The following TTC28 variants were observed in gnomAD, a reference collection of about 807,000 sequenced individuals.
TTC28 encodes the protein tetratricopeptide repeat protein 28.
A neutral mutation model predicts 198.0 loss-of-function variants in TTC28; 61 were observed. The observed-to-expected ratio is 0.31, with a 90% CI of 0.25 to 0.38. The LOEUF is 0.38. TTC28 is among the 10% of genes least tolerant of loss of function. TTC28 has a pLI of 1.00. For synonymous variants in TTC28, 1,171 were observed against 1,297.8 expected (o/e 0.90, Z 2.10); for missense variants, 2,678 against 3,164.0 (o/e 0.85, Z 3.69).
At chr22:28,035,191 C>A (rs77441146) in intron 12 of TTC28, among the ~76,000 whole-genome samples, 2 of 152,172 alleles carry the variant, frequency 1.3e-5, no homozygotes, top group Non-Finnish European at 2.9e-5. Context: ...TTCCCCACCC[C>A]CCTCCAGGCT....
chr22:28,112,711 T>G (rs762398859), intron 6 of TTC28, among the ~76,000 whole-genome samples: 13 of 152,194 alleles, frequency 8.5e-5, no homozygotes, highest in Admixed American at 2.0e-4. Context: ...GGAGATAATC[T>G]GCAGATCCTC....
chr22:28,569,821 G>A (rs780865494), intron 2 of TTC28, among the ~76,000 whole-genome samples: 126 of 152,158 alleles, frequency 8.3e-4, no homozygotes, highest in Admixed American at 4.1e-3. Flanking sequence ...TCTAACAATG[G>A]CCTAATGTCT....
At chr22:28,230,161 T>A (rs143473935) in intron 5 of TTC28, among the ~76,000 whole-genome samples, 14 of 152,320 alleles carry the variant, frequency 9.2e-5, no homozygotes, top group Middle Eastern at 3.4e-3. Context: ...TAACAAAATC[T>A]GACAGAGAAA....
intron 12 of TTC28, among the ~76,000 whole-genome samples, chr22:28,042,922 G>A (rs1183541787): frequency 6.6e-6 from 1 of 152,024 alleles, no homozygotes; most frequent in African/African-American, 2.4e-5. Context: ...TTTGGAGCGA[G>A]CTCTGACCAT....
In TTC28 at chr22:28,207,061, T is replaced by C. The variant is rs554924370; in HGVS notation, c.934-43462A>G. Among the ~76,000 whole-genome samples, 48 of 152,186 alleles carry C rather than the reference T, an allele frequency of 3.2e-4. 1 individual carries two copies. In the South Asian group the frequency reaches 9.4e-3, roughly 30 times the overall value. ...TAAATTTGGGATAATCCCTCAAATG[T>C]AAATGACATTTAGATTGTCCCAGCT... On this transcript the variant is annotated intron_variant, in intron 5 of 22. Coordinates refer to ENST00000397906, the MANE Select transcript of TTC28 (RefSeq NM_001145418.2).
At chr22:28,045,247 G>T (rs1333514055) in intron 12 of TTC28, among the ~76,000 whole-genome samples, 1 of 152,142 alleles carries the variant, frequency 6.6e-6, no homozygotes, top group Admixed American at 6.5e-5. Flanking sequence ...TTTGGATTTT[G>T]GAATATTTAC....
At chr22:28,604,698 C>T (rs995290754) in intron 2 of TTC28, among the ~76,000 whole-genome samples, 1 of 151,838 alleles carries the variant, frequency 6.6e-6, no homozygotes, top group South Asian at 2.1e-4. Context: ...GAGCTGAGAT[C>T]GTGCCACTTG....
chr22:28,251,177 A>T (rs1930481275), intron 5 of TTC28, among the ~76,000 whole-genome samples: 1 of 152,174 alleles, frequency 6.6e-6, no homozygotes, highest in Non-Finnish European at 1.5e-5. Context: ...TTCAATATTG[A>T]GTTTGTTTCA....
chr22:28,068,390 G>A (rs1940841576), intron 12 of TTC28, among the ~76,000 whole-genome samples: 1 of 152,140 alleles, frequency 6.6e-6, no homozygotes, highest in African/African-American at 2.4e-5. Context: ...AATTAAACTA[G>A]GTACTATGTG....
At chr22:28,453,818 C>T (rs2047819503) in intron 2 of TTC28, among the ~76,000 whole-genome samples, 1 of 152,208 alleles carries the variant, frequency 6.6e-6, no homozygotes, top group Non-Finnish European at 1.5e-5. Flanking sequence ...AATGATCTTT[C>T]TATAAATTGG....
chr22:28,239,373 C>G (rs558290313), intron 5 of TTC28, among the ~76,000 whole-genome samples: 1 of 152,162 alleles, frequency 6.6e-6, no homozygotes, highest in South Asian at 2.1e-4. Context: ...GAGCACCACT[C>G]TACCGTACAA....
chr22:28,293,214 T>A (rs1269239841), intron 5 of TTC28, among the ~76,000 whole-genome samples: 1 of 152,054 alleles, frequency 6.6e-6, no homozygotes, highest in Non-Finnish European at 1.5e-5. Context: ...TAAGTATCTA[T>A]CAAGAAACGA....
chr22:28,360,997 T>C (rs1360583292), intron 2 of TTC28, among the ~76,000 whole-genome samples: 4 of 152,210 alleles, frequency 2.6e-5, no homozygotes, highest in African/African-American at 9.6e-5. Flanking sequence ...AGTCAATACA[T>C]GTTTTGTGTT....
intron 2 of TTC28, among the ~76,000 whole-genome samples, chr22:28,409,449 AAAAC>A (rs2047047678): frequency 6.6e-6 from 1 of 152,028 alleles, no homozygotes. Flanking sequence ...CTTCTTAAAT[AAAAC>A]AAATAAGCCA....
At chr22:27,993,125 T>C in intron 18 of TTC28, 162 bp downstream of exon 18, 1 of 652,306 alleles carries the variant, frequency 1.5e-6, no homozygotes, top group Non-Finnish European at 2.6e-6. Flanking sequence ...TTCCTCCAGG[T>C]GTGGAGATGC....
intron 2 of TTC28, among the ~76,000 whole-genome samples, chr22:28,355,841 C>G (rs1347804784): frequency 6.6e-6 from 1 of 152,166 alleles, no homozygotes; most frequent in African/African-American, 2.4e-5. Context: ...CTATGGAGTC[C>G]AGAACAACGA....
intron 10 of TTC28, among the ~76,000 whole-genome samples, chr22:28,097,370 T>C (rs1439892023): frequency 1.3e-5 from 2 of 152,228 alleles, no homozygotes; most frequent in African/African-American, 4.8e-5. Flanking sequence ...TTGTTGGAGC[T>C]GATGTCTCAT....
intron 6 of TTC28, among the ~76,000 whole-genome samples, chr22:28,113,104 C>A (rs1942531238): frequency 6.6e-6 from 1 of 152,128 alleles, no homozygotes; most frequent in Non-Finnish European, 1.5e-5. Context: ...CCATTACCAG[C>A]AAAGACCAAG....
At position 28,305,974 on chromosome 22, in the gene TTC28, T is replaced by A. The variant is rs528372021; in HGVS notation, c.529+522A>T. ...ACTGGTATCTGTCTTGTTTTTTTCT[T>A]TTTTTATTTCAACATAATCTTTTAA... On this transcript the variant is annotated intron_variant, in intron 3 of 22. Transcript: ENST00000397906. 1.5e-4 allele frequency among the ~76,000 whole-genome samples: 23 copies of A among 152,324 alleles called. No homozygotes were observed. The East Asian group carries it at 3.7e-3, about 24-fold the overall frequency.
Sources: allele counts gnomAD v4.1 joint callset (sites outside exome capture counted in the v4.1 genomes callset), GRCh38; gene constraint gnomAD v4.1.1; transcripts MANE v1.5; gene names NCBI Gene and HGNC (gene_info 2026-07-23, HGNC 2026-07-21).